AKT3: variants seen among roughly 807,000 people sequenced by gnomAD.
AKT3 encodes RAC-gamma serine/threonine-protein kinase.
Under a neutral mutation model 65.3 loss-of-function variants are expected in AKT3, and 15 were observed. The ratio of observed to expected loss-of-function variants is 0.23; its 90% CI spans 0.15 to 0.35. AKT3 has a LOEUF of 0.35. AKT3 is among the 10% of genes least tolerant of loss of function. The pLI, the probability that AKT3 is intolerant of heterozygous loss-of-function variation, is 1.00. For missense variants in AKT3, 243 were observed against 576.5 expected (o/e 0.42, Z 5.92); for synonymous variants, 206 against 183.8 (o/e 1.12, Z -0.98).
rs115726065 is a variant in AKT3 at position 243,697,347 on chromosome 1, G to C, written c.47-1631C>G. Among the ~76,000 whole-genome samples the C allele has an allele frequency of 5.1e-3, 777 of 151,956 alleles. 9 individuals are homozygous for C. The highest frequency in any genetic ancestry group is 0.018 in the African/African-American group (736 of 41,500). ...CTTCAACATCCTGCTGCAGTATGTT[G>C]TTTTGGTTTAAATTTAGGGGGAAAA... On this transcript the variant is annotated intron_variant, in intron 2 of 13. Coordinates refer to ENST00000673466, the MANE Select transcript of AKT3 (RefSeq NM_005465.7).
intron 5 of AKT3, among the ~76,000 whole-genome samples, chr1:243,645,177 TC>T: frequency 6.6e-6 from 1 of 152,282 alleles, no homozygotes; most frequent in East Asian, 1.9e-4. Flanking sequence ...ATTTGTGTTT[TC>T]CTCCCTGAAG....
At chr1:243,828,809 T>C (rs1350151192) in intron 2 of AKT3, among the ~76,000 whole-genome samples, 1 of 152,160 alleles carries the variant, frequency 6.6e-6, no homozygotes, top group African/African-American at 2.4e-5. Flanking sequence ...AGGTGGTCTG[T>C]GCCCCTAACT....
At chr1:243,540,701 C>T (rs1672249308) in intron 12 of AKT3, among the ~76,000 whole-genome samples, 1 of 152,104 alleles carries the variant, frequency 6.6e-6, no homozygotes, top group Admixed American at 6.6e-5. Context: ...CTGCCTAGTC[C>T]AGGACCCAAC....
intron 2 of AKT3, among the ~76,000 whole-genome samples, chr1:243,715,829 A>C (rs1686479791): frequency 6.6e-6 from 1 of 152,126 alleles, no homozygotes; most frequent in Non-Finnish European, 1.5e-5. Flanking sequence ...TCCATTTAGG[A>C]AAATCAAGTT....
At chr1:243,630,631 C>G (rs1382951031) in intron 6 of AKT3, among the ~76,000 whole-genome samples, 1 of 152,170 alleles carries the variant, frequency 6.6e-6, no homozygotes, top group Admixed American at 6.5e-5. Context: ...GTGGCTCCAT[C>G]ACCCTGTCTC....
chr1:243,589,268 T>C (rs1292060043), intron 8 of AKT3, among the ~76,000 whole-genome samples: 5 of 126,300 alleles, frequency 4.0e-5, no homozygotes, highest in Non-Finnish European at 7.7e-5. Context: ...ATTGTGCCAC[T>C]GCACTCCAAC....
At position 243,715,776 on chromosome 1, in the gene AKT3, A is replaced by G. The variant is rs186967875; in HGVS notation, c.47-20060T>C. Among the ~76,000 whole-genome samples, 255 of 152,250 alleles carry G rather than the reference A, an allele frequency of 1.7e-3. 1 individual carries two copies. The highest frequency in any genetic ancestry group is 1.7e-3 in the Non-Finnish European group (117 of 67,962). On this transcript the variant is annotated intron_variant, in intron 2 of 13. Transcript: ENST00000673466. ...ACCAAATGACTTATCTTTTTATCAC[A>G]TATGAATAAAAAGCCATTCTTAGTG...
At chr1:243,495,641 G>A (rs887929372), downstream of AKT3, among the ~76,000 whole-genome samples, 1 of 152,204 alleles carries the variant, frequency 6.6e-6, no homozygotes, top group African/African-American at 2.4e-5. Context: ...AGGGCCGCAG[G>A]GGCCTGAGGG....
chr1:243,726,093 G>A (rs1296322640), intron 2 of AKT3, among the ~76,000 whole-genome samples: 2 of 151,882 alleles, frequency 1.3e-5, no homozygotes, highest in African/African-American at 4.8e-5. Flanking sequence ...TATGCTGGTG[G>A]GTGCTACTCA....
At chr1:243,605,314 C>T (rs751551600) in intron 8 of AKT3, among the ~76,000 whole-genome samples, 3 of 152,104 alleles carry the variant, frequency 2.0e-5, no homozygotes, top group Non-Finnish European at 2.9e-5. Context: ...AGGCATGAGC[C>T]ACCAGGCCTG....
At chr1:243,575,506 A>G (rs529047443) in intron 8 of AKT3, among the ~76,000 whole-genome samples, 2 of 152,304 alleles carry the variant, frequency 1.3e-5, no homozygotes, top group East Asian at 3.9e-4. Context: ...TATCAATCAT[A>G]ACTCAATAAA....
At chr1:243,711,091 C>T (rs760177240) in intron 2 of AKT3, among the ~76,000 whole-genome samples, 10 of 152,150 alleles carry the variant, frequency 6.6e-5, no homozygotes, top group Admixed American at 1.3e-4. Flanking sequence ...GAGGCCAAGG[C>T]GGGTGGTTCA....
chr1:243,551,923 A>G (rs1398226481), intron 11 of AKT3, among the ~76,000 whole-genome samples: 3 of 152,160 alleles, frequency 2.0e-5, no homozygotes, highest in Admixed American at 6.5e-5. Flanking sequence ...ACAGAAATTA[A>G]AAGTGTGTAC....
intron 2 of AKT3, among the ~76,000 whole-genome samples, chr1:243,780,143 C>T (rs986649102): frequency 5.9e-5 from 9 of 151,866 alleles, no homozygotes; most frequent in East Asian, 1.9e-4. Context: ...AAGAATCATA[C>T]GACAAGATTC....
intron 2 of AKT3, among the ~76,000 whole-genome samples, chr1:243,758,199 G>T (rs564742290): frequency 6.6e-6 from 1 of 152,126 alleles, no homozygotes; most frequent in Non-Finnish European, 1.5e-5. Flanking sequence ...CTGCTTTCAC[G>T]GAGTTTATAT....
At chr1:243,810,742 C>T (rs1240433408) in intron 2 of AKT3, among the ~76,000 whole-genome samples, 2 of 152,080 alleles carry the variant, frequency 1.3e-5, no homozygotes, top group African/African-American at 2.4e-5. Context: ...AATTTTAGAC[C>T]AACATCCCTG....
At chr1:243,746,337 T>C (rs1324726342) in intron 2 of AKT3, among the ~76,000 whole-genome samples, 5 of 152,218 alleles carry the variant, frequency 3.3e-5, no homozygotes, top group Non-Finnish European at 7.3e-5. Flanking sequence ...TAAAATGTAT[T>C]CTGTCTTTAC....
chr1:243,617,723 A>G (rs1303940132), intron 6 of AKT3, among the ~76,000 whole-genome samples: 1 of 152,050 alleles, frequency 6.6e-6, no homozygotes, highest in African/African-American at 2.4e-5. Flanking sequence ...ATGTTTGTGA[A>G]AGTCTACTCA....
chr1:243,808,168 A>G (rs1053597038), intron 2 of AKT3: 3 of 152,236 alleles, frequency 2.0e-5, no homozygotes, highest in African/African-American at 7.2e-5. Context: ...GAACGGAACA[A>G]AGCTGGAAGG....
Sources: allele counts gnomAD v4.1 joint callset (sites outside exome capture counted in the v4.1 genomes callset), GRCh38; gene constraint gnomAD v4.1.1; transcripts MANE v1.5; gene names NCBI Gene and HGNC (gene_info 2026-07-23, HGNC 2026-07-21).